The following GABRG3 variants were observed in gnomAD, a reference collection of about 807,000 sequenced individuals.
GABRG3 encodes gamma-aminobutyric acid receptor subunit gamma-3.
A neutral mutation model predicts 48.8 loss-of-function variants in GABRG3; 25 were observed. That is an observed-to-expected ratio of 0.51 (90% confidence interval 0.37 to 0.72). The LOEUF (loss-of-function observed/expected upper bound fraction) is 0.72, where lower values mean the gene tolerates loss of function less well. Ranked by LOEUF, GABRG3 falls within the 30% of genes least tolerant of loss-of-function variation. The pLI is 0.00. For missense variants in GABRG3, 394 were observed against 577.9 expected (o/e 0.68, Z 3.26); for synonymous variants, 227 against 217.6 (o/e 1.04, Z -0.38).
intron 5 of GABRG3, among the ~76,000 whole-genome samples, chr15:27,379,758 T>G (rs1275751857): frequency 6.6e-6 from 1 of 152,190 alleles, no homozygotes; most frequent in Non-Finnish European, 1.5e-5. Flanking sequence ...CTTACTGCCT[T>G]GATTTCTGAA....
intron 3 of GABRG3, among the ~76,000 whole-genome samples, chr15:27,306,453 T>C (rs1213700084): frequency 7.1e-6 from 1 of 139,926 alleles, no homozygotes; most frequent in African/African-American, 2.6e-5. Context: ...TATGTCTACA[T>C]ATAAACATAA....
rs116100718 is a variant in GABRG3 at position 26,976,120 on chromosome 15, C to T, written c.54-882C>T. Among the ~76,000 whole-genome samples the T allele has an allele frequency of 2.8e-5, 4 of 144,474 alleles. No homozygotes were observed. Among genetic ancestry groups the T allele is most frequent in the Non-Finnish European group, 6.1e-5 (4 of 65,916 alleles). The allele number at this position is 144,474 out of a possible 152,430, so 94.8% of individuals were successfully genotyped here. On this transcript the variant is annotated intron_variant, in intron 1 of 9. Coordinates refer to ENST00000615808, the MANE Select transcript of GABRG3 (RefSeq NM_033223.5). This position sits in a 1 kb window ranked among gnomAD's most constrained non-coding sequence, Gnocchi z 7.8. Reference sequence around the variant, plus strand: ...TTTTAAAAAACCCAAAACTGCAGAACCAAAAAAAAAAAAAGGGAAAACTAG... The same window carrying T: ...TTTTAAAAAACCCAAAACTGCAGAATCAAAAAAAAAAAAAGGGAAAACTAG...
chr15:27,107,481 G>A (rs548301758), intron 3 of GABRG3, among the ~76,000 whole-genome samples: 239 of 152,020 alleles, frequency 1.6e-3, no homozygotes, highest in African/African-American at 5.4e-3. Flanking sequence ...TATGAAAAAC[G>A]TGGATCTCTA....
At chr15:27,252,691 C>T (rs963575248) in intron 3 of GABRG3, among the ~76,000 whole-genome samples, 2 of 152,246 alleles carry the variant, frequency 1.3e-5, no homozygotes, top group Non-Finnish European at 2.9e-5. Context: ...GAGAGGGCAC[C>T]TCCCACCTGC....
intron 3 of GABRG3, among the ~76,000 whole-genome samples, chr15:27,167,657 G>A (rs936358548): frequency 6.6e-6 from 1 of 152,206 alleles, no homozygotes; most frequent in African/African-American, 2.4e-5. Context: ...GACAGCAGAG[G>A]AAACAGCTGC....
At chr15:27,311,250 C>G (rs1195421925) in intron 3 of GABRG3, among the ~76,000 whole-genome samples, 1 of 151,644 alleles carries the variant, frequency 6.6e-6, no homozygotes, top group Admixed American at 6.6e-5. Flanking sequence ...CAAAACTACC[C>G]ACATCAAAGT....
At chr15:27,306,561 T>C (rs1171492980) in intron 3 of GABRG3, among the ~76,000 whole-genome samples, 1 of 46,516 alleles carries the variant, frequency 2.1e-5, no homozygotes. Context: ...ATATATAATA[T>C]AAACATATAT....
chr15:27,351,726 A>G (rs1469108561), intron 5 of GABRG3, among the ~76,000 whole-genome samples: 6 of 137,196 alleles, frequency 4.4e-5, no homozygotes, highest in Middle Eastern at 4.9e-3. Context: ...GTGTGTGTGT[A>G]TATATATGTG....
rs1566769781 is a variant in GABRG3 at position 27,307,007 on chromosome 15, T to TTTATATATAAACATATATAAA, written c.271-19802_271-19801insTTATATATAAACATATATAAA. 1.9e-3 allele frequency among the ~76,000 whole-genome samples: 217 copies of TTTATATATAAACATATATAAA among 112,834 alleles called. 22 individuals are homozygous for TTTATATATAAACATATATAAA. The highest frequency in any genetic ancestry group is 7.6e-3 in the African/African-American group (169 of 22,250). 74.0% of individuals were successfully genotyped at this position (112,834 alleles called of 152,430 possible). On this transcript the variant is annotated intron_variant, in intron 3 of 9. Transcript: ENST00000615808. ...ATAAACATGTTTATATATAAACATGTATAAACATGTTTATATATAAACATG... is the reference window on the plus strand; with the variant it reads ...ATAAACATGTTTATATATAAACATGTTTATATATAAACATATATAAAATAAACATGTTTATATATAAACATG...
intron 3 of GABRG3, among the ~76,000 whole-genome samples, chr15:27,281,126 C>T (rs1337878613): frequency 6.6e-6 from 1 of 152,114 alleles, no homozygotes; most frequent in East Asian, 1.9e-4. Flanking sequence ...TTATCTTATG[C>T]TTTTCTGTTG....
rs541566547 is a variant in GABRG3, at chr15:27,039,678, A to C, written c.270+12857A>C. 3.9e-5 allele frequency among the ~76,000 whole-genome samples: 6 copies of C among 152,302 alleles called. No individual in the cohort carries two copies. In the East Asian group the frequency reaches 1.2e-3, roughly 29 times the overall value. On this transcript the variant is annotated intron_variant, in intron 3 of 9. Transcript: ENST00000615808. ...CCCACTGTTTCCTGACAGTGCATGC[A>C]GTTGTCAGGAAAGCACAGAACTTTC...
At chr15:27,282,118 G>A (rs1566992454) in intron 3 of GABRG3, among the ~76,000 whole-genome samples, 1 of 152,120 alleles carries the variant, frequency 6.6e-6, no homozygotes, top group Non-Finnish European at 1.5e-5. Context: ...CCCCATGAGT[G>A]TTTGTTTCTC....
intron 3 of GABRG3, among the ~76,000 whole-genome samples, chr15:27,305,500 A>G (rs1032865369): frequency 6.8e-5 from 10 of 146,268 alleles, no homozygotes; most frequent in African/African-American, 2.5e-4. Flanking sequence ...TTATATATAT[A>G]TAAACATATA....
At chr15:27,445,946 A>G (rs1888931474) in intron 5 of GABRG3, among the ~76,000 whole-genome samples, 1 of 152,074 alleles carries the variant, frequency 6.6e-6, no homozygotes, top group Admixed American at 6.5e-5. Flanking sequence ...GTAGGAACTA[A>G]TTGGCTGTAA....
chr15:27,370,492 T>A (rs549814080), intron 5 of GABRG3, among the ~76,000 whole-genome samples: 19 of 152,308 alleles, frequency 1.2e-4, no homozygotes, highest in African/African-American at 4.6e-4. Context: ...TGACTCCACT[T>A]GAGATCTGAG....
chr15:27,217,003 C>T (rs1347510877), intron 3 of GABRG3, among the ~76,000 whole-genome samples: 1 of 143,280 alleles, frequency 7.0e-6, no homozygotes, highest in Non-Finnish European at 1.5e-5. Context: ...GTTCAATTCC[C>T]ACCTATGAGT....
intron 3 of GABRG3, among the ~76,000 whole-genome samples, chr15:27,111,512 G>A (rs2140370736): frequency 6.6e-6 from 1 of 152,266 alleles, no homozygotes; most frequent in Admixed American, 6.5e-5. Context: ...GTAGGGTGAG[G>A]TTTCTCGCTA....
intron 5 of GABRG3, among the ~76,000 whole-genome samples, chr15:27,332,482 C>T (rs867947156): frequency 3.3e-5 from 5 of 151,846 alleles, no homozygotes; most frequent in African/African-American, 1.2e-4. Flanking sequence ...TGCAGTGAGC[C>T]GAGATCACGC....
At chr15:27,215,578 T>G (rs553018092) in intron 3 of GABRG3, among the ~76,000 whole-genome samples, 1 of 152,312 alleles carries the variant, frequency 6.6e-6, no homozygotes, top group African/African-American at 2.4e-5. Context: ...CCCCTTTGTC[T>G]TAGGATGGCA....
Sources: allele counts gnomAD v4.1 joint callset (sites outside exome capture counted in the v4.1 genomes callset), GRCh38; gene constraint gnomAD v4.1.1; non-coding constraint Gnocchi (gnomAD v3.1); transcripts MANE v1.5; gene names NCBI Gene and HGNC (gene_info 2026-07-23, HGNC 2026-07-21).